Variants in LRRC4C observed in about 807,000 individuals in gnomAD.
LRRC4C encodes the protein leucine rich repeat containing 4C, also known as leucine-rich repeat-containing protein 4C.
Under a neutral mutation model 33.6 loss-of-function variants are expected in LRRC4C, and 5 were observed. The ratio of observed to expected loss-of-function variants is 0.15; its 90% CI spans 0.08 to 0.31. The LOEUF (loss-of-function observed/expected upper bound fraction) is 0.31, where lower values mean the gene tolerates loss of function less well. Among genes scored for constraint, LRRC4C ranks in the 10% least tolerant of loss-of-function variants. The probability of loss-of-function intolerance (pLI) is 1.00; values close to 1 mark genes in which losing one functional copy is unlikely to be tolerated. For missense variants in LRRC4C, 560 were observed against 796.7 expected (o/e 0.70, Z 3.58); for synonymous variants, 329 against 302.0 (o/e 1.09, Z -0.93).
chr11:40,915,146 G>A (rs7107370), intron 2 of LRRC4C, among the ~76,000 whole-genome samples: 136,051 of 152,040 alleles, frequency 0.89, 61,630 homozygotes, highest in East Asian at 1. Flanking sequence ...ATTCAATGCC[G>A]TCTCCATCAA....
At chr11:40,142,682 A>G (rs1262607737) in intron 5 of LRRC4C, among the ~76,000 whole-genome samples, 1 of 152,012 alleles carries the variant, frequency 6.6e-6, no homozygotes, top group Non-Finnish European at 1.5e-5. Context: ...CTTGTCTCAC[A>G]GGCCAATGAA....
chr11:40,665,766 T>G (rs1021205144), intron 2 of LRRC4C, among the ~76,000 whole-genome samples: 2 of 152,104 alleles, frequency 1.3e-5, no homozygotes, highest in East Asian at 3.9e-4. Context: ...TGCTATTGGG[T>G]ATACAACTTA....
At chr11:41,017,949 A>G (rs948355875) in intron 1 of LRRC4C, among the ~76,000 whole-genome samples, 1 of 151,908 alleles carries the variant, frequency 6.6e-6, no homozygotes, top group African/African-American at 2.4e-5. Flanking sequence ...GTTGCTAGGG[A>G]TTTTTAATGC....
chr11:40,546,825 CAG>C (rs1338307561), intron 3 of LRRC4C, among the ~76,000 whole-genome samples: 2 of 152,046 alleles, frequency 1.3e-5, no homozygotes, highest in African/African-American at 4.8e-5. Flanking sequence ...ATGGAAAAAA[CAG>C]AGATTTTGAA....
At chr11:41,294,748 A>G (rs1381165590) in intron 1 of LRRC4C, among the ~76,000 whole-genome samples, 2 of 152,220 alleles carry the variant, frequency 1.3e-5, no homozygotes, top group African/African-American at 4.8e-5. Context: ...TTCATAATGT[A>G]TCCCAATAAA....
At chr11:40,130,937 A>G (rs1856604425) in intron 6 of LRRC4C, among the ~76,000 whole-genome samples, 1 of 152,176 alleles carries the variant, frequency 6.6e-6, no homozygotes, top group South Asian at 2.1e-4. Context: ...TCTTTCTACT[A>G]GGCTGTCATC....
chr11:40,999,746 T>C (rs1854236480), intron 1 of LRRC4C, among the ~76,000 whole-genome samples: 3 of 152,144 alleles, frequency 2.0e-5, no homozygotes, highest in Non-Finnish European at 4.4e-5. Context: ...AATGAAAATA[T>C]ATCATGGCAA....
intron 5 of LRRC4C, among the ~76,000 whole-genome samples, chr11:40,187,682 CT>C (rs1359691663): frequency 6.6e-6 from 1 of 152,170 alleles, no homozygotes; most frequent in Non-Finnish European, 1.5e-5. Context: ...CATTTTTCAA[CT>C]TCCTTTGCCC....
At chr11:40,409,555 A>G (rs1708260046) in intron 3 of LRRC4C, among the ~76,000 whole-genome samples, 2 of 152,058 alleles carry the variant, frequency 1.3e-5, no homozygotes, top group Admixed American at 6.6e-5. Flanking sequence ...AAAAACAAAC[A>G]AACAAAACCT....
rs200264699 is a variant in LRRC4C at position 40,317,185 on chromosome 11, GT to G, written c.-176+2442del. On this transcript the variant is annotated intron_variant, in intron 4 of 6. Coordinates refer to ENST00000528697, the MANE Select transcript of LRRC4C (RefSeq NM_001258419.2). The stretch of plus-strand genomic sequence containing the variant: ...TAAAGGTCCTAAATTAGGGTATTTT[GT>G]TTTTTTTTTTAGGAGCAGGACATCC... Among the ~76,000 whole-genome samples, 681 of 143,734 alleles carry G rather than the reference GT, an allele frequency of 4.7e-3. 13 individuals carry two copies. Among genetic ancestry groups the G allele is most frequent in the East Asian group, 0.015 (75 of 4,916 alleles). 94.3% of individuals were successfully genotyped at this position (143,734 alleles called of 152,430 possible).
chr11:40,547,921 G>A (rs1956989275), intron 3 of LRRC4C, among the ~76,000 whole-genome samples: 1 of 152,108 alleles, frequency 6.6e-6, no homozygotes, highest in African/African-American at 2.4e-5. Context: ...CACTGTTCTA[G>A]TGATTGGAGC....
rs2134558692 is a variant in LRRC4C, at chr11:40,114,729, C to A, written c.1564G>T (p.Val522Phe). 1 of 1,614,132 alleles carries A rather than the reference C, an allele frequency of 6.2e-7. No homozygotes were observed. The highest frequency in any genetic ancestry group is 1.1e-5 in the South Asian group (1 of 91,070). ...INSGIPGIDE[V>F]MKTTKIIIGC... Reference sequence around the variant, plus strand: ...ATGATGATTTTGGTAGTCTTCATGACCTCATCAATTCCTGGGATCCCACTG... The same window carrying A: ...ATGATGATTTTGGTAGTCTTCATGAACTCATCAATTCCTGGGATCCCACTG... Residue 522 changes from valine (V) to phenylalanine (F), a missense_variant, in exon 7 of 7, where the codon GTC becomes TTC. Coordinates refer to ENST00000528697, the MANE Select transcript of LRRC4C (RefSeq NM_001258419.2).
At chr11:41,157,595 T>A (rs548635479) in intron 1 of LRRC4C, among the ~76,000 whole-genome samples, 1 of 152,172 alleles carries the variant, frequency 6.6e-6, no homozygotes, top group Non-Finnish European at 1.5e-5. Context: ...AAAGTCCACA[T>A]ACCTTGCAAA....
At chr11:40,246,362 C>T (rs1319582742) in intron 4 of LRRC4C, among the ~76,000 whole-genome samples, 2 of 152,162 alleles carry the variant, frequency 1.3e-5, no homozygotes, top group African/African-American at 4.8e-5. Context: ...ACATCAAATA[C>T]TCAACGTTAT....
intron 3 of LRRC4C, among the ~76,000 whole-genome samples, chr11:40,419,743 G>A (rs1950455406): frequency 6.6e-6 from 1 of 152,124 alleles, no homozygotes; most frequent in African/African-American, 2.4e-5. Context: ...AAATTGATAG[G>A]CTCCACCAAA....
intron 3 of LRRC4C, among the ~76,000 whole-genome samples, chr11:40,606,161 GC>G (rs1164027758): frequency 6.6e-6 from 1 of 152,162 alleles, no homozygotes; most frequent in Non-Finnish European, 1.5e-5. Flanking sequence ...TTTCTAACAG[GC>G]CTTGAAGCAC....
chr11:40,518,056 T>C (rs948052768), intron 3 of LRRC4C, among the ~76,000 whole-genome samples: 1 of 152,144 alleles, frequency 6.6e-6, no homozygotes, highest in African/African-American at 2.4e-5. Context: ...TGGCTAGCCA[T>C]AAGCAGAAAA....
rs567963639 is a variant in LRRC4C at position 41,416,940 on chromosome 11, C to T, written c.-496+42491G>A. On this transcript the variant is annotated intron_variant, in intron 1 of 6. Coordinates refer to ENST00000528697, the MANE Select transcript of LRRC4C (RefSeq NM_001258419.2). Reference sequence around the variant, plus strand: ...AGTAATGAGCCAAACTAAAGAGTTTCCCAGTAGCACACATTTCCCCAATGA... The same window carrying T: ...AGTAATGAGCCAAACTAAAGAGTTTTCCAGTAGCACACATTTCCCCAATGA... 5.3e-5 allele frequency among the ~76,000 whole-genome samples: 8 copies of T among 152,020 alleles called. No individual in the cohort carries two copies. The South Asian group carries it at 1.5e-3, about 28-fold the overall frequency.
rs570697699 is a variant in LRRC4C at position 40,265,012 on chromosome 11, A to C, written c.-175-23414T>G. Among the ~76,000 whole-genome samples the C allele has an allele frequency of 8.5e-5, 13 of 152,294 alleles. No individual in the cohort carries two copies. In the East Asian group the frequency reaches 2.3e-3, roughly 27 times the overall value. ...CTCTCATATTTAAAAAAGCAGTCCA[A>C]GTGTTTTTTGTTCTACTGGGAAATC... On this transcript the variant is annotated intron_variant, in intron 4 of 6. Coordinates refer to ENST00000528697, the MANE Select transcript of LRRC4C (RefSeq NM_001258419.2).
Sources: gnomAD v4.1 joint callset for allele counts (sites outside exome capture counted in the v4.1 genomes callset) on GRCh38, gnomAD v4.1.1 for gene constraint, MANE v1.5 for transcripts, NCBI Gene and HGNC (gene_info 2026-07-23, HGNC 2026-07-21) for gene names.